HEATR4: variants seen among roughly 807,000 people sequenced by gnomAD.
The protein encoded by HEATR4 is HEAT repeat containing 4.
A neutral mutation model predicts 108.8 loss-of-function variants in HEATR4; 95 were observed. The ratio of observed to expected loss-of-function variants is 0.87; its 90% confidence interval spans 0.74 to 1.04. The LOEUF (loss-of-function observed/expected upper bound fraction) is 1.04. Among genes scored for constraint, HEATR4 ranks in the 50% least tolerant of loss-of-function variants. The probability of loss-of-function intolerance (pLI) is 0.00; values close to 1 mark genes in which losing one functional copy is unlikely to be tolerated. For missense variants in HEATR4, 1,152 were observed against 1,253.8 expected (o/e 0.92, Z 1.23); for synonymous variants, 443 against 459.4 (o/e 0.96, Z 0.46).
At chr14:73,593,188 G>C in the HEATR4 span, among the ~76,000 whole-genome samples, 1 of 152,054 alleles carries the variant, frequency 6.6e-6, no homozygotes, top group African/African-American at 2.4e-5. Flanking sequence ...AGACTCCACT[G>C]CCTTTCTCAC....
the HEATR4 span, among the ~76,000 whole-genome samples, chr14:73,588,002 T>A: frequency 2.7e-5 from 4 of 150,226 alleles, no homozygotes; most frequent in Admixed American, 2.6e-4. Context: ...TTTATTTCTC[T>A]CATTTTTTTT....
At chr14:73,629,872 C>T in the HEATR4 span, among the ~76,000 whole-genome samples, 212 of 151,892 alleles carry the variant, frequency 1.4e-3, 1 homozygote, top group African/African-American at 4.6e-3. Flanking sequence ...TGGTTTGGAT[C>T]TCCTGACTTT....
At position 73,492,292 on chromosome 14, in the gene HEATR4, C is replaced by G; in HGVS notation, c.2844+774G>C. On this transcript the variant is annotated intron_variant, in intron 17 of 17. Transcript: ENST00000553558. This position sits in a 1 kb window ranked among gnomAD's most constrained non-coding sequence, Gnocchi z 4.9. ...ACCTCACCTTGTCCACGTACCAGCG[C>G]AATACCTGGGGTGACTTCTTAGAGG... 6.2e-7 allele frequency: 1 copy of G among 1,614,046 alleles called. No individual in the cohort carries two copies. Among genetic ancestry groups the G allele is most frequent in the Non-Finnish European group, 8.5e-7 (1 of 1,179,908 alleles).
intron 17 of HEATR4, chr14:73,491,855 C>A (rs1322075686): frequency 6.2e-7 from 1 of 1,610,082 alleles, no homozygotes; most frequent in Admixed American, 1.7e-5. Flanking sequence ...CCCACCCGGC[C>A]GCGCGCTGCC....
the HEATR4 span, among the ~76,000 whole-genome samples, chr14:73,609,412 T>C: frequency 0.046 from 6,951 of 152,222 alleles, 230 homozygotes; most frequent in Non-Finnish European, 0.073. Flanking sequence ...AGAAACATCA[T>C]TGGGCCAGTA....
the HEATR4 span, among the ~76,000 whole-genome samples, chr14:73,617,424 G>A: frequency 6.6e-6 from 1 of 152,152 alleles, no homozygotes; most frequent in African/African-American, 2.4e-5. Context: ...AGACCAGCCT[G>A]GGCAACATTT....
In HEATR4 at chr14:73,532,200, C is replaced by T. The variant is rs529931967; in HGVS notation, c.-151-1956G>A. Among the ~76,000 whole-genome samples the T allele has an allele frequency of 8.7e-5, 10 of 114,940 alleles. 2 individuals are homozygous for T. Among genetic ancestry groups the T allele is most frequent in the Admixed American group, 4.0e-4 (4 of 10,108 alleles). The allele number at this position is 114,940 out of a possible 152,430, so 75.4% of individuals were successfully genotyped here. A position where few individuals can be genotyped will look rare whatever the true frequency, so the allele number is the denominator to read the frequency against. On this transcript the variant is annotated intron_variant, in intron 1 of 17. Transcript: ENST00000553558. ...AAACAGATGGTAAAGTAGAAGCTGTCCGTTGACTTTTCCATTCCCCTTTCA... is the reference window on the plus strand; with the variant it reads ...AAACAGATGGTAAAGTAGAAGCTGTTCGTTGACTTTTCCATTCCCCTTTCA...
chr14:73,591,993 C>T, the HEATR4 span: 2 of 1,418,880 alleles, frequency 1.4e-6, no homozygotes, highest in Non-Finnish European at 1.8e-6. Flanking sequence ...GCCCCCAGGC[C>T]GCTGCTGCTG....
chr14:73,566,831 G>A, the HEATR4 span, among the ~76,000 whole-genome samples: 2 of 152,170 alleles, frequency 1.3e-5, no homozygotes, highest in Non-Finnish European at 2.9e-5. Flanking sequence ...CAAAGTGGGA[G>A]CCCAGGCAGA....
At chr14:73,617,143 A>G in the HEATR4 span, 2 of 1,614,036 alleles carry the variant, frequency 1.2e-6, no homozygotes, top group Non-Finnish European at 1.7e-6. Context: ...AATGATGTAC[A>G]TCTGGAGTAC....
At chr14:73,614,271 T>G in the HEATR4 span, among the ~76,000 whole-genome samples, 1 of 152,160 alleles carries the variant, frequency 6.6e-6, no homozygotes, top group Non-Finnish European at 1.5e-5. Flanking sequence ...ATTCTGTGAT[T>G]ATTCTCCAAA....
At chr14:73,631,128 G>T in the HEATR4 span, among the ~76,000 whole-genome samples, 1 of 151,976 alleles carries the variant, frequency 6.6e-6, no homozygotes, top group Admixed American at 6.6e-5. Flanking sequence ...TAGATAAATG[G>T]GATAAGATTT....
At chr14:73,590,942 G>A in the HEATR4 span, among the ~76,000 whole-genome samples, 723 of 152,340 alleles carry the variant, frequency 4.7e-3, 5 homozygotes, top group African/African-American at 0.017. Context: ...CCAAGGCCGA[G>A]GAGGCGCCGA....
chr14:73,605,944 C>G, the HEATR4 span, among the ~76,000 whole-genome samples: 1 of 152,184 alleles, frequency 6.6e-6, no homozygotes, highest in African/African-American at 2.4e-5. Flanking sequence ...AGACCCTACA[C>G]TTCAGGGATC....
chr14:73,608,012 C>T, the HEATR4 span, among the ~76,000 whole-genome samples: 1 of 151,888 alleles, frequency 6.6e-6, no homozygotes, highest in African/African-American at 2.4e-5. Context: ...GCAAGCTCCG[C>T]CTCCTGGGTT....
chr14:73,551,352 T>C (rs1357251877), intron 1 of HEATR4, among the ~76,000 whole-genome samples: 1 of 113,986 alleles, frequency 8.8e-6, no homozygotes, highest in Non-Finnish European at 1.9e-5. Flanking sequence ...TGTCAGGTGG[T>C]GGTTGACAGT....
intron 15 of HEATR4, 145 bp from the exon 16 acceptor site, chr14:73,495,532 G>A (rs1886066209): frequency 3.1e-6 from 2 of 655,598 alleles, no homozygotes; most frequent in African/African-American, 3.7e-5. Flanking sequence ...ACAGTGAGCT[G>A]TGATCATGCC....
chr14:73,617,848 T>G, the HEATR4 span, among the ~76,000 whole-genome samples: 2 of 152,200 alleles, frequency 1.3e-5, no homozygotes, highest in African/African-American at 4.8e-5. Flanking sequence ...AATAATTAAT[T>G]AATTAAAACA....
chr14:73,630,973 A>G, the HEATR4 span, among the ~76,000 whole-genome samples: 1 of 152,182 alleles, frequency 6.6e-6, no homozygotes, highest in Admixed American at 6.6e-5. Flanking sequence ...CTTGCTTTTC[A>G]GAGAAAAGTA....
Sources: gnomAD v4.1 joint callset for allele counts (sites outside exome capture counted in the v4.1 genomes callset) on GRCh38, gnomAD v4.1.1 for gene constraint, Gnocchi (gnomAD v3.1) non-coding constraint, MANE v1.5 for transcripts, NCBI Gene and HGNC (gene_info 2026-07-23, HGNC 2026-07-21) for gene names.